ST6GAL1: variants seen among roughly 807,000 people sequenced by gnomAD.
ST6GAL1 encodes beta-galactoside alpha-2,6-sialyltransferase 1.
A neutral mutation model predicts 38.0 loss-of-function variants in ST6GAL1; 20 were observed. The observed-to-expected ratio is 0.53, with a 90% CI of 0.37 to 0.77. The LOEUF is 0.77. Among genes scored for constraint, ST6GAL1 ranks in the 30% least tolerant of loss-of-function variants. The pLI, the probability that ST6GAL1 is intolerant of heterozygous loss-of-function variation, is 0.00. For synonymous variants in ST6GAL1, 196 were observed against 188.2 expected, an observed-to-expected ratio of 1.04 and a Z score of -0.34; for missense variants, 432 against 496.4, an observed-to-expected ratio of 0.87 and a Z score of 1.23.
At chr3:186,947,689 G>GCCCC (rs1429984171) in intron 1 of ST6GAL1, among the ~76,000 whole-genome samples, 2 of 152,176 alleles carry the variant, frequency 1.3e-5, no homozygotes, top group African/African-American at 4.8e-5. Flanking sequence ...CAGCCGTGTG[G>GCCCC]CCCCAGGCTA....
At chr3:187,053,143 T>C (rs539943388) in intron 5 of ST6GAL1, among the ~76,000 whole-genome samples, 14 of 151,910 alleles carry the variant, frequency 9.2e-5, no homozygotes, top group African/African-American at 3.4e-4. Context: ...TTTGATGGGG[T>C]TGTTTGTTTT....
chr3:186,950,659 T>C (rs777691290), intron 1 of ST6GAL1, among the ~76,000 whole-genome samples: 9 of 152,358 alleles, frequency 5.9e-5, no homozygotes, highest in Non-Finnish European at 1.3e-4. Flanking sequence ...GACCTGTGAC[T>C]TCTGTGATTT....
In ST6GAL1 at chr3:186,995,532, A is replaced by T. The variant is rs552230303; in HGVS notation, c.-183+31606A>T. 1.3e-3 allele frequency among the ~76,000 whole-genome samples: 189 copies of T among 145,750 alleles called. 3 individuals carry two copies. The highest frequency in any genetic ancestry group is 4.5e-3 in the African/African-American group (175 of 38,774). ...AAAAAAAAATAATAATAAAATAAAA[A>T]AAAAATAAAGAAATTGTTAAAATGC... On this transcript the variant is annotated intron_variant, in intron 2 of 7. Transcript: ENST00000169298.
At chr3:186,947,093 T>C (rs527539005) in intron 1 of ST6GAL1, among the ~76,000 whole-genome samples, 3 of 151,840 alleles carry the variant, frequency 2.0e-5, no homozygotes, top group Non-Finnish European at 2.9e-5. Context: ...TGGGAGCAGT[T>C]TGTTGGTGGT....
At chr3:187,026,594 A>G (rs970861077) in intron 2 of ST6GAL1, among the ~76,000 whole-genome samples, 14 of 152,354 alleles carry the variant, frequency 9.2e-5, no homozygotes, top group Middle Eastern at 3.4e-3. Context: ...AATTGGCCTA[A>G]GATAACTTAC....
At chr3:186,984,561 G>T (rs545355350) in intron 2 of ST6GAL1, among the ~76,000 whole-genome samples, 1 of 151,726 alleles carries the variant, frequency 6.6e-6, no homozygotes, top group African/African-American at 2.4e-5. Flanking sequence ...GAGCCTTGCC[G>T]CAAACACGCT....
chr3:186,981,249 G>A (rs3868901), intron 2 of ST6GAL1, among the ~76,000 whole-genome samples: 51,890 of 152,022 alleles, frequency 0.34, 9,664 homozygotes, highest in East Asian at 0.72. Flanking sequence ...TGGAAAGAAG[G>A]CTAAGAAAAT....
chr3:187,045,416 C>T (rs1235176225), intron 4 of ST6GAL1, among the ~76,000 whole-genome samples: 1 of 152,014 alleles, frequency 6.6e-6, no homozygotes, highest in Non-Finnish European at 1.5e-5. Flanking sequence ...TGATAGTTTA[C>T]TCATACATGT....
At chr3:187,059,453 GCTAC>G (rs1718833708) in intron 5 of ST6GAL1, among the ~76,000 whole-genome samples, 1 of 152,178 alleles carries the variant, frequency 6.6e-6, no homozygotes, top group East Asian at 1.9e-4. Flanking sequence ...TATATAAGAT[GCTAC>G]CTAAATATCC....
intron 2 of ST6GAL1, among the ~76,000 whole-genome samples, chr3:187,030,518 C>T (rs1460643369): frequency 2.0e-5 from 3 of 152,206 alleles, no homozygotes. Flanking sequence ...ACTTCAACCT[C>T]CGCCTCCCGG....
In ST6GAL1 at chr3:187,075,837, A is replaced by C; in HGVS notation, c.*34A>C. The C allele has an allele frequency of 6.2e-7, 1 of 1,609,426 alleles. No individual in the cohort carries two copies. Among genetic ancestry groups the C allele is most frequent in the Non-Finnish European group, 8.5e-7 (1 of 1,176,408 alleles). ...TCCTCACTCTTCTCCATCAGGCATT[A>C]AATGAATGGTCTCTTGGCCACCCCA... is the stretch of plus-strand genomic sequence containing the variant. On this transcript the variant is annotated 3_prime_UTR_variant, in exon 8 of 8. Transcript: ENST00000169298. This position sits in a 1 kb window ranked among gnomAD's most constrained non-coding sequence, Gnocchi z 4.1.
chr3:186,988,731 T>C (rs554270523), intron 2 of ST6GAL1, among the ~76,000 whole-genome samples: 1 of 152,114 alleles, frequency 6.6e-6, no homozygotes, highest in South Asian at 2.1e-4. Flanking sequence ...CTGGGCAACA[T>C]AGTGAAATCC....
chr3:187,025,678 A>G (rs1223211333), intron 2 of ST6GAL1, among the ~76,000 whole-genome samples: 1 of 152,096 alleles, frequency 6.6e-6, no homozygotes, highest in Non-Finnish European at 1.5e-5. Flanking sequence ...CTGTCTGTGC[A>G]TGGGGTGCAA....
chr3:187,043,110 G>C lies in ST6GAL1; in HGVS notation c.407G>C (p.Ser136Thr), dbSNP rs142229283. ...YKGPGPGIKF[S>T]AEALRCHLRD... ...GGGCCAGGACCAGGCATCAAGTTCA[G>C]TGCAGAGGCCCTGCGCTGCCACCTC... The change falls in exon 4 of 8, where the codon AGT (serine) becomes ACT (threonine). Residue 136 changes from serine (S) to threonine (T), a missense_variant. Transcript: ENST00000169298. 1.2e-6 allele frequency: 2 copies of C among 1,614,138 alleles called. No individual in the cohort carries two copies. Among genetic ancestry groups the C allele is most frequent in the African/African-American group, 2.7e-5 (2 of 74,942 alleles).
At chr3:187,019,007 T>G (rs1010132143) in intron 2 of ST6GAL1, among the ~76,000 whole-genome samples, 2 of 152,222 alleles carry the variant, frequency 1.3e-5, no homozygotes, top group African/African-American at 2.4e-5. Context: ...TAAACTTTTA[T>G]CAACTGACTG....
chr3:187,068,658 T>C (rs1377223948), intron 5 of ST6GAL1, among the ~76,000 whole-genome samples: 1 of 152,192 alleles, frequency 6.6e-6, no homozygotes, highest in Non-Finnish European at 1.5e-5. Context: ...TGGGAAAGTC[T>C]CAGGGAGCCA....
intron 2 of ST6GAL1, among the ~76,000 whole-genome samples, chr3:186,992,522 G>T (rs1161620327): frequency 1.3e-5 from 2 of 152,154 alleles, no homozygotes; most frequent in South Asian, 4.1e-4. Context: ...GGCCGGGCGC[G>T]GTGGCTCCCG....
chr3:187,044,327 T>A (rs1718225649), intron 4 of ST6GAL1, among the ~76,000 whole-genome samples: 1 of 152,190 alleles, frequency 6.6e-6, no homozygotes, highest in African/African-American at 2.4e-5. Flanking sequence ...CTGGAGCAGG[T>A]GAGGTCATAC....
intron 4 of ST6GAL1, among the ~76,000 whole-genome samples, chr3:187,046,643 G>A (rs1439714013): frequency 6.6e-6 from 1 of 152,230 alleles, no homozygotes; most frequent in Non-Finnish European, 1.5e-5. Flanking sequence ...GATGTTGGCT[G>A]TTGGTATCAA....
Sources: gnomAD v4.1 joint callset for allele counts (sites outside exome capture counted in the v4.1 genomes callset) on GRCh38, gnomAD v4.1.1 for gene constraint, Gnocchi (gnomAD v3.1) non-coding constraint, MANE v1.5 for transcripts, NCBI Gene and HGNC (gene_info 2026-07-23, HGNC 2026-07-21) for gene names.